DEAF1: variants seen among roughly 807,000 people sequenced by gnomAD.
DEAF1 encodes DEAF1 transcription factor.
DEAF1 carries 53 observed loss-of-function variants against 58.9 expected under a neutral mutation model. The observed-to-expected ratio is 0.90, with a 90% CI of 0.72 to 1.13. The LOEUF (loss-of-function observed/expected upper bound fraction) is 1.13, where lower values mean the gene tolerates loss of function less well. Ranked by LOEUF, DEAF1 falls within the 50% of genes most tolerant of loss-of-function variation. The pLI is 0.00. For missense variants in DEAF1, 685 were observed against 791.4 expected, an observed-to-expected ratio of 0.87 and a Z score of 1.61; for synonymous variants, 385 against 340.4, an observed-to-expected ratio of 1.13 and a Z score of -1.44.
At position 649,490 on chromosome 11, in the gene DEAF1, C is replaced by T. The variant is rs538105484; in HGVS notation, c.1593+4472G>A. ...ATCCCAGCAGTTTGGGAGGCCGAGGCGGGCGGATCACTTGAGGTCAGGAGC... is the reference window on the plus strand; with the variant it reads ...ATCCCAGCAGTTTGGGAGGCCGAGGTGGGCGGATCACTTGAGGTCAGGAGC... On this transcript the variant is annotated intron_variant, in intron 11 of 11. Coordinates refer to ENST00000382409, the MANE Select transcript of DEAF1 (RefSeq NM_021008.4). Among the ~76,000 whole-genome samples, 17 of 151,154 alleles carry T rather than the reference C, an allele frequency of 1.1e-4. No individual in the cohort carries two copies. The East Asian group carries it at 1.4e-3, about 12-fold the overall frequency.
chr11:688,088 G>T lies in DEAF1; in HGVS notation c.518-31C>A. Reference sequence around the variant, plus strand: ...GCAGAGAAAGTGTTTGAAGGTGAGAGGCCGGACACCGGGAAGCATAGTACA... The same window carrying T: ...GCAGAGAAAGTGTTTGAAGGTGAGATGCCGGACACCGGGAAGCATAGTACA... On this transcript the variant is annotated intron_variant, in intron 3 of 11. Transcript: ENST00000382409. The surrounding 1 kb of genome is among the most constrained non-coding windows in gnomAD (Gnocchi z 4.3). 2 of 1,613,542 alleles carry T rather than the reference G, an allele frequency of 1.2e-6. No homozygotes were observed. Among genetic ancestry groups the T allele is most frequent in the Non-Finnish European group, 1.7e-6 (2 of 1,179,888 alleles).
At chr11:675,184 C>A (rs1714536356) in intron 9 of DEAF1, among the ~76,000 whole-genome samples, 1 of 151,310 alleles carries the variant, frequency 6.6e-6, no homozygotes, top group South Asian at 2.1e-4. Context: ...GACTCCATCT[C>A]AAAAAAATAA....
chr11:695,005 C>G lies in DEAF1; in HGVS notation c.43G>C (p.Glu15Gln), dbSNP rs1861057818. Reference protein sequence around the residue: ...DSAAKQLGLAEAAAVAAAAAV... With the variant: ...DSAAKQLGLAQAAAVAAAAAV... ...GCCGCGGCCGCCACCGCCGCCGCCT[C>G]AGCCAGGCCCAGCTGCTTTGCCGCC... Residue 15 changes from glutamate to glutamine, a missense_variant, in exon 1 of 12, where the codon GAG (glutamate) becomes CAG (glutamine). By Grantham distance (29) the Glu-to-Gln change is conservative. Around this residue, in one of 3 missense-constraint regions of DEAF1, gnomAD observed 210 missense variants for 177.3 expected, o/e 1.18. Transcript: ENST00000382409. 7.7e-7 allele frequency: 1 copy of G among 1,290,620 alleles called. No individual in the cohort carries two copies. Among genetic ancestry groups the G allele is most frequent in the Non-Finnish European group, 9.8e-7 (1 of 1,018,908 alleles). 79.9% of individuals were successfully genotyped at this position (1,290,620 alleles called of 1,614,324 possible). A position where few individuals can be genotyped will look rare whatever the true frequency, so the allele number is the denominator to read the frequency against.
At chr11:687,093 C>A (rs935919772) in intron 4 of DEAF1, 96 bp from the exon 5 acceptor site, 2 of 1,555,940 alleles carry the variant, frequency 1.3e-6, no homozygotes, top group African/African-American at 1.4e-5. Flanking sequence ...TCCACCAGCA[C>A]CAGCGCCCCA....
At chr11:662,732 G>GCTCGCACCATT (rs1859370866) in intron 10 of DEAF1, among the ~76,000 whole-genome samples, 1 of 152,198 alleles carries the variant, frequency 6.6e-6, no homozygotes, top group African/African-American at 2.4e-5. Context: ...CAACGGCCTT[G>GCTCGCACCATT]CTCCTGCCTG....
rs1554943158 is a variant in DEAF1, at chr11:681,044, CCTT to C, written c.913_915del (p.Lys305del). 1 of 1,613,968 alleles carries C rather than the reference CCTT, an allele frequency of 6.2e-7. No homozygotes were observed. Among genetic ancestry groups the C allele is most frequent in the African/African-American group, 1.3e-5 (1 of 74,870 alleles). On this transcript the variant is annotated inframe_deletion, in exon 7 of 12. Coordinates refer to ENST00000382409, the MANE Select transcript of DEAF1 (RefSeq NM_021008.4). ...ACGGGAGTTGTGGGCAGTTCATTCT[CCTT>C]CTTGCGCCTTTTGTAAGGCACAAAA...
intron 11 of DEAF1, among the ~76,000 whole-genome samples, chr11:647,563 T>A (rs886284242): frequency 2.6e-5 from 4 of 152,142 alleles, no homozygotes; most frequent in South Asian, 2.1e-4. Context: ...AAATCTGACT[T>A]ACAGTGATCC....
At chr11:654,162 CCCCTTT>C (rs1314629088) in intron 10 of DEAF1, 111 bp from the exon 11 acceptor site, 250 of 501,424 alleles carry the variant, frequency 5.0e-4, no homozygotes, top group African/African-American at 1.5e-3. Flanking sequence ...CCCATTGGAC[CCCCTTT>C]TTTTTTTTTT....
intron 11 of DEAF1, among the ~76,000 whole-genome samples, chr11:649,565 C>T (rs1858667240): frequency 6.6e-6 from 1 of 151,696 alleles, no homozygotes; most frequent in African/African-American, 2.4e-5. Context: ...ACTAAAAGTA[C>T]AAAAATTAGC....
chr11:680,897 G>C (rs1371649341), intron 7 of DEAF1, 66 bp downstream of exon 7: 1 of 1,609,464 alleles, frequency 6.2e-7, no homozygotes, highest in East Asian at 2.2e-5. Context: ...CGTGGGAGTG[G>C]TGACGAGAGA....
intron 1 of DEAF1, chr11:706,243 C>G (rs565653938): frequency 1.3e-5 from 2 of 151,966 alleles, no homozygotes; most frequent in Admixed American, 6.6e-5. Context: ...ACGGACGCAC[C>G]GGCGAGCGCC....
At chr11:654,359 G>T (rs1467141211) in intron 10 of DEAF1, among the ~76,000 whole-genome samples, 13 of 150,922 alleles carry the variant, frequency 8.6e-5, no homozygotes, top group Admixed American at 5.9e-4. Context: ...TAGAGACAGG[G>T]TTTCACCATG....
At position 689,412 on chromosome 11, in the gene DEAF1, C is replaced by T. The variant is rs572234282; in HGVS notation, c.388-952G>A. ...TTTTTTAGTAGAGATGGGGTTTCAC[C>T]GTGTTAGCCAGGATGGTCTCCATCT... On this transcript the variant is annotated intron_variant, in intron 2 of 11. Coordinates refer to ENST00000382409, the MANE Select transcript of DEAF1 (RefSeq NM_021008.4). 4.6e-5 allele frequency among the ~76,000 whole-genome samples: 7 copies of T among 151,794 alleles called. 1 individual carries two copies. Among genetic ancestry groups the T allele is most frequent in the South Asian group, 4.2e-4 (2 of 4,792 alleles).
rs770874141 is a variant in DEAF1, at chr11:653,953, GA to G, written c.1593+8del. 1 of 1,612,922 alleles carries G rather than the reference GA, an allele frequency of 6.2e-7. No homozygotes were observed. The highest frequency in any genetic ancestry group is 1.1e-5 in the South Asian group (1 of 91,058). ...CGGGGGCACTGAGCCTGGTGTAGGT[GA>G]GACCTACCTTGCGTTGGCAGAAGGT... On this transcript the variant is annotated splice_region_variant and intron_variant, in intron 11 of 11. Transcript: ENST00000382409.
chr11:670,946 T>TTTTTTTTTA lies in DEAF1; in HGVS notation c.1503+3589_1503+3590insTAAAAAAAA. On this transcript the variant is annotated intron_variant, in intron 10 of 11. Coordinates refer to ENST00000382409, the MANE Select transcript of DEAF1 (RefSeq NM_021008.4). ...CCTGGCTAATGTTTTTTTTTTTTTTTGAGACAGAGTCTCACTTTGTCACCC... is the reference window on the plus strand; with the variant it reads ...CCTGGCTAATGTTTTTTTTTTTTTTTTTTTTTTTAGAGACAGAGTCTCACTTTGTCACCC... Among the ~76,000 whole-genome samples the TTTTTTTTTA allele has an allele frequency of 1.4e-4, 21 of 145,280 alleles. 1 individual carries two copies. The highest frequency in any genetic ancestry group is 4.3e-4 in the African/African-American group (17 of 39,250).
chr11:681,181 G>A, intron 6 of DEAF1, 92 bp from the exon 7 acceptor site: 2 of 1,563,576 alleles, frequency 1.3e-6, no homozygotes, highest in South Asian at 2.2e-5. Flanking sequence ...ACCGCGGGGT[G>A]TGTGAGTCAC....
At chr11:697,041 A>G (rs1012326173), upstream of DEAF1, among the ~76,000 whole-genome samples, 9 of 151,202 alleles carry the variant, frequency 6.0e-5, no homozygotes, top group Admixed American at 6.0e-4. Context: ...CGGAGGTTGC[A>G]GTTGGCCAAG....
chr11:701,242 C>G (rs1190276660), intron 1 of DEAF1: 2 of 161,676 alleles, frequency 1.2e-5, no homozygotes, highest in East Asian at 3.5e-4. Flanking sequence ...TGCAGTGGTG[C>G]AGTCACAGCT....
upstream of DEAF1, among the ~76,000 whole-genome samples, chr11:698,694 G>C (rs1214620801): frequency 1.3e-5 from 2 of 152,148 alleles, no homozygotes; most frequent in African/African-American, 2.4e-5. Context: ...TTGAAGGATG[G>C]TTAGAGAGGC....
Sources: allele counts gnomAD v4.1 joint callset (sites outside exome capture counted in the v4.1 genomes callset), GRCh38; gene constraint gnomAD v4.1.1; regional missense constraint gnomAD v4.1.1; non-coding constraint Gnocchi (gnomAD v3.1); transcripts MANE v1.5; gene names NCBI Gene and HGNC (gene_info 2026-07-23, HGNC 2026-07-21).